Variants in SPECC1 observed in about 807,000 individuals in gnomAD.
The protein encoded by SPECC1 is cytospin-B.
In SPECC1, 62 loss-of-function variants were observed where a neutral mutation model predicts 104.1. The ratio of observed to expected loss-of-function variants is 0.60; its 90% CI spans 0.49 to 0.74. The LOEUF (loss-of-function observed/expected upper bound fraction) is 0.74, where lower values mean the gene tolerates loss of function less well. Ranked by LOEUF, SPECC1 falls within the 30% of genes least tolerant of loss-of-function variation. The pLI is 0.00. For missense variants in SPECC1, 1,306 were observed against 1,310.5 expected, an observed-to-expected ratio of 1.00 and a Z score of 0.05; for synonymous variants, 513 against 501.6, an observed-to-expected ratio of 1.02 and a Z score of -0.30.
chr17:20,231,588 C>T (rs780490241), intron 5 of SPECC1, among the ~76,000 whole-genome samples, 170 bp from the exon 6 acceptor site: 1 of 152,116 alleles, frequency 6.6e-6, no homozygotes, highest in Non-Finnish European at 1.5e-5. Context: ...GTGTCCATTC[C>T]CTGGTTTACA....
chr17:20,302,434 C>T (rs979978780), intron 13 of SPECC1, among the ~76,000 whole-genome samples: 2 of 152,140 alleles, frequency 1.3e-5, no homozygotes, highest in Non-Finnish European at 2.9e-5. Flanking sequence ...TTGTCTGTGG[C>T]TTCTGCCTCC....
At chr17:20,072,962 G>A (rs1304316112) in intron 1 of SPECC1, among the ~76,000 whole-genome samples, 1 of 152,038 alleles carries the variant, frequency 6.6e-6, no homozygotes, top group Admixed American at 6.6e-5. Flanking sequence ...ATTGTCACTG[G>A]GGCTTACTCT....
intron 1 of SPECC1, among the ~76,000 whole-genome samples, chr17:20,057,517 A>T (rs975340974): frequency 1.3e-5 from 2 of 152,184 alleles, no homozygotes; most frequent in African/African-American, 2.4e-5. Flanking sequence ...TTTTTGAGAC[A>T]GGGTCTCTCT....
At position 20,205,121 on chromosome 17, in the gene SPECC1, G is replaced by T. The variant is rs766965835; in HGVS notation, c.1072G>T (p.Ala358Ser). The T allele has an allele frequency of 1.2e-6, 2 of 1,614,144 alleles. No homozygotes were observed. Among genetic ancestry groups the T allele is most frequent in the Non-Finnish European group, 1.7e-6 (2 of 1,180,036 alleles). The change falls in exon 4 of 15, where the codon GCT becomes TCT. Residue 358 changes from alanine (A) to serine (S), a missense_variant. Ala to Ser is a moderately conservative substitution (Grantham distance 99, BLOSUM62 1). Around this residue, in one of 2 missense-constraint regions of SPECC1, gnomAD observed 1,177 missense variants for 1,139.9 expected, o/e 1.03. Transcript: ENST00000395527. ...NPFKSSKCST[A>S]GSSPNSVSEL... ...CTTTAAGAGTTCAAAGTGTTCTACT[G>T]CTGGGAGTTCCCCAAACAGCGTAAG...
At chr17:20,123,424 G>A (rs1156299398) in intron 3 of SPECC1, among the ~76,000 whole-genome samples, 2 of 152,226 alleles carry the variant, frequency 1.3e-5, no homozygotes, top group South Asian at 2.1e-4. Context: ...GAAACTGTCA[G>A]TGTCCTCGCT....
At chr17:20,046,562 T>C (rs2045546735) in intron 1 of SPECC1, among the ~76,000 whole-genome samples, 1 of 152,122 alleles carries the variant, frequency 6.6e-6, no homozygotes, top group Admixed American at 6.5e-5. Flanking sequence ...TGAGTAAGTC[T>C]TAGAATACGT....
At chr17:20,231,558 T>C (rs1165533753) in intron 5 of SPECC1, among the ~76,000 whole-genome samples, 200 bp from the exon 6 acceptor site, 1 of 152,192 alleles carries the variant, frequency 6.6e-6, no homozygotes, top group South Asian at 2.1e-4. Context: ...ATCCTGTTCT[T>C]TATCTCAGAG....
In SPECC1 at chr17:20,100,641, C is replaced by T. The variant is rs1003193399; in HGVS notation, c.147+3843C>T. 1.1e-4 allele frequency among the ~76,000 whole-genome samples: 16 copies of T among 152,124 alleles called. No individual in the cohort carries two copies. The East Asian group carries it at 1.2e-3, about 11-fold the overall frequency. On this transcript the variant is annotated intron_variant, in intron 2 of 14. Coordinates refer to ENST00000395527, the MANE Select transcript of SPECC1 (RefSeq NM_001243439.2). ...GACTTTCTTTTTTTAAATTTTAATTCGAATTATTATTTTTTTAAAATTTTA... is the reference window on the plus strand; with the variant it reads ...GACTTTCTTTTTTTAAATTTTAATTTGAATTATTATTTTTTTAAAATTTTA...
rs780195507 is a variant in SPECC1, at chr17:20,205,784, G to A, written c.1735G>A (p.Glu579Lys). ...TGTGGAGCAGACGGCAGAGAGCTGC[G>A]AAGTTCAAGAAATGTTGAAAGTAGC... ...SAVEQTAESC[E>K]VQEMLKVARA... The change falls in exon 4 of 15, where the codon GAA becomes AAA. Residue 579 changes from glutamate (E) to lysine (K), a missense_variant. Glu to Lys is a moderately conservative substitution (Grantham distance 56). Coordinates refer to ENST00000395527, the MANE Select transcript of SPECC1 (RefSeq NM_001243439.2). The A allele has an allele frequency of 8.2e-5, 133 of 1,614,096 alleles. No homozygotes were observed. Among genetic ancestry groups the A allele is most frequent in the African/African-American group, 2.0e-4 (15 of 74,932 alleles).
At chr17:20,242,332 T>G (rs1252013510) in intron 7 of SPECC1, among the ~76,000 whole-genome samples, 1 of 152,230 alleles carries the variant, frequency 6.6e-6, no homozygotes, top group African/African-American at 2.4e-5. Flanking sequence ...TAGAGACATG[T>G]ATGTATATGT....
At chr17:20,080,428 G>T (rs532089962) in intron 1 of SPECC1, among the ~76,000 whole-genome samples, 2 of 152,166 alleles carry the variant, frequency 1.3e-5, no homozygotes, top group East Asian at 3.9e-4. Flanking sequence ...ACAACCCGGG[G>T]GATCAGAGGG....
chr17:20,267,470 A>G (rs2040255610), intron 12 of SPECC1, among the ~76,000 whole-genome samples: 1 of 152,162 alleles, frequency 6.6e-6, no homozygotes, highest in Non-Finnish European at 1.5e-5. Context: ...ATGACTCTCC[A>G]TGGTAGAATG....
chr17:20,116,848 G>A (rs930876353), intron 3 of SPECC1, among the ~76,000 whole-genome samples: 8 of 123,226 alleles, frequency 6.5e-5, no homozygotes, highest in Non-Finnish European at 1.6e-5. Flanking sequence ...GTCATGACTC[G>A]GGGCTGCTAC....
intron 7 of SPECC1, chr17:20,238,955 T>C: frequency 3.8e-6 from 4 of 1,039,660 alleles, no homozygotes; most frequent in Non-Finnish European, 4.6e-6. Context: ...CGTTTTGTTC[T>C]ACATTTTTTT....
intron 3 of SPECC1, among the ~76,000 whole-genome samples, chr17:20,164,360 T>C (rs757992676): frequency 1.7e-4 from 26 of 151,452 alleles, no homozygotes; most frequent in Non-Finnish European, 3.7e-4. Flanking sequence ...GCAGACGGGG[T>C]CTCACTGTGT....
intron 12 of SPECC1, among the ~76,000 whole-genome samples, chr17:20,296,088 C>G (rs1366959212): frequency 6.6e-6 from 1 of 152,156 alleles, no homozygotes; most frequent in African/African-American, 2.4e-5. Flanking sequence ...GACATGAAGT[C>G]CTTGCCCATG....
At chr17:20,219,489 G>A (rs1232747685) in intron 4 of SPECC1, among the ~76,000 whole-genome samples, 1 of 152,052 alleles carries the variant, frequency 6.6e-6, no homozygotes, top group Non-Finnish European at 1.5e-5. Flanking sequence ...AGAATGTCTA[G>A]TAAGATCTTT....
At chr17:20,061,098 G>GC (rs2046169404) in intron 1 of SPECC1, among the ~76,000 whole-genome samples, 1 of 152,192 alleles carries the variant, frequency 6.6e-6, no homozygotes, top group Admixed American at 6.5e-5. Context: ...TTGAGACAGA[G>GC]TCTCACTCTG....
chr17:20,237,071 G>T (rs893253826), intron 7 of SPECC1: 8 of 1,451,794 alleles, frequency 5.5e-6, no homozygotes, highest in Non-Finnish European at 7.2e-6. Flanking sequence ...CACATTTTGG[G>T]ATCAGCTTAC....
Sources: gnomAD v4.1 joint callset for allele counts (sites outside exome capture counted in the v4.1 genomes callset) on GRCh38, gnomAD v4.1.1 for gene constraint, gnomAD v4.1.1 regional missense constraint, MANE v1.5 for transcripts, NCBI Gene and HGNC (gene_info 2026-07-23, HGNC 2026-07-21) for gene names.